The following SNRPF variants were observed in gnomAD, a reference collection of about 807,000 sequenced individuals.
SNRPF encodes the protein small nuclear ribonucleoprotein F.
A neutral mutation model predicts 13.4 loss-of-function variants in SNRPF; 1 was observed. The ratio of observed to expected loss-of-function variants is 0.07; its 90% confidence interval spans 0.03 to 0.35. The LOEUF is 0.35. Ranked by LOEUF, SNRPF falls within the 10% of genes least tolerant of loss-of-function variation. SNRPF has a pLI of 0.99. For synonymous variants in SNRPF, 27 were observed against 32.1 expected (o/e 0.84, Z 0.54); for missense variants, 53 against 101.0 (o/e 0.52, Z 2.04).
At chr12:95,859,101 G>C (rs2079480344) in intron 1 of SNRPF, 25 bp downstream of exon 1, 1 of 1,599,636 alleles carries the variant, frequency 6.3e-7, no homozygotes, top group Admixed American at 1.7e-5. Context: ...AACGGCGGGA[G>C]AAGCGGGGAG....
In SNRPF at chr12:95,866,086, G is replaced by A. The variant is rs1052953; in HGVS notation, c.*15G>A. 2.4e-4 allele frequency: 324 copies of A among 1,322,792 alleles called. 1 individual carries two copies. Among genetic ancestry groups the A allele is most frequent in the Non-Finnish European group, 4.1e-5 (38 of 937,950 alleles). The allele number at this position is 1,322,792 out of a possible 1,614,324, so 81.9% of individuals were successfully genotyped here. A position where few individuals can be genotyped will look rare whatever the true frequency, so the allele number is the denominator to read the frequency against. On this transcript the variant is annotated 3_prime_UTR_variant, in exon 4 of 4. Coordinates refer to ENST00000266735, the MANE Select transcript of SNRPF (RefSeq NM_003095.5). Reference sequence around the variant, plus strand: ...TGAGAGAATAGCATCTTTTGTGGGGGATTTTTTTTATATATATTTCTAGAC... The same window carrying A: ...TGAGAGAATAGCATCTTTTGTGGGGAATTTTTTTTATATATATTTCTAGAC...
At position 95,859,461 on chromosome 12, in the gene SNRPF, CATT is replaced by C. The variant is rs545200195; in HGVS notation, c.3+387_3+389del. On this transcript the variant is annotated intron_variant, in intron 1 of 3. Transcript: ENST00000266735. ...AACTCACTTGGGTGGGGAAGACAGA[CATT>C]AGTCAAAAAATAACAAGTATGTAAT... Among the ~76,000 whole-genome samples, 12 of 152,302 alleles carry C rather than the reference CATT, an allele frequency of 7.9e-5. 1 individual carries two copies. In the South Asian group the frequency reaches 2.5e-3, roughly 32 times the overall value.
In SNRPF at chr12:95,865,701, G is replaced by T. The variant is rs2079517981; in HGVS notation, c.195-304G>T. Among the ~76,000 whole-genome samples the T allele has an allele frequency of 2.0e-5, 3 of 152,062 alleles. No homozygotes were observed. In the South Asian group the frequency reaches 6.2e-4, roughly 32 times the overall value. On this transcript the variant is annotated intron_variant, in intron 3 of 3. Transcript: ENST00000266735. ...GAACTTAGTTTTGAATTTTAGTTGG[G>T]TCTGGCTGTTTTGTTATATTGATTT...
intron 2 of SNRPF, among the ~76,000 whole-genome samples, chr12:95,862,840 A>G (rs2121393116): frequency 6.6e-6 from 1 of 152,264 alleles, no homozygotes; most frequent in African/African-American, 2.4e-5. Context: ...GGTGTTTATA[A>G]AATAGTTATT....
chr12:95,860,703 G>A (rs573015078), intron 1 of SNRPF, among the ~76,000 whole-genome samples: 1 of 152,082 alleles, frequency 6.6e-6, no homozygotes, highest in African/African-American at 2.4e-5. Flanking sequence ...GACTACAGGT[G>A]TGCACCACCA....
At chr12:95,859,166 C>T in intron 1 of SNRPF, 90 bp downstream of exon 1, 1 of 1,190,312 alleles carries the variant, frequency 8.4e-7, no homozygotes, top group Non-Finnish European at 1.2e-6. Context: ...TCGCGCGTTT[C>T]CCATTCATCC....
chr12:95,859,521 C>T (rs752670128), intron 1 of SNRPF, among the ~76,000 whole-genome samples: 1 of 152,138 alleles, frequency 6.6e-6, no homozygotes, highest in Non-Finnish European at 1.5e-5. Flanking sequence ...ACAATGCAGA[C>T]AGGAGGCTGT....
intron 1 of SNRPF, 120 bp downstream of exon 1, chr12:95,859,196 C>T: frequency 3.6e-6 from 3 of 843,184 alleles, no homozygotes; most frequent in South Asian, 2.9e-5. Flanking sequence ...GCCGCGCACC[C>T]TGTCGCCAGC....
chr12:95,861,080 A>G, intron 1 of SNRPF, 88 bp from the exon 2 acceptor site: 6 of 1,275,728 alleles, frequency 4.7e-6, no homozygotes, highest in Non-Finnish European at 6.5e-6. Flanking sequence ...CTTCATTTGC[A>G]TACCACAAAA....
chr12:95,859,103 A>C, intron 1 of SNRPF, 27 bp downstream of exon 1: 1 of 1,600,686 alleles, frequency 6.2e-7, no homozygotes, highest in South Asian at 1.1e-5. Flanking sequence ...CGGCGGGAGA[A>C]GCGGGGAGAA....
chr12:95,861,404 A>G lies in SNRPF; in HGVS notation c.129+111A>G, dbSNP rs574825433. On this transcript the variant is annotated intron_variant, in intron 2 of 3. Transcript: ENST00000266735. ...TACATACAATTAAATTGACAAATAT[A>G]CGGCAAAATTCAAAAATAAAGTCAA... 263 of 1,051,152 alleles carry G rather than the reference A, an allele frequency of 2.5e-4. 2 individuals carry two copies. Among genetic ancestry groups the G allele is most frequent in the South Asian group, 1.4e-3 (100 of 70,576 alleles). The allele number at this position is 1,051,152 out of a possible 1,614,324, so 65.1% of individuals were successfully genotyped here.
At chr12:95,862,643 G>A (rs1213140042) in intron 2 of SNRPF, among the ~76,000 whole-genome samples, 3 of 152,154 alleles carry the variant, frequency 2.0e-5, no homozygotes, top group Admixed American at 1.3e-4. Flanking sequence ...CCTGAGCCTG[G>A]GGAGGTTGAA....
At chr12:95,860,633 C>T (rs947747738) in intron 1 of SNRPF, among the ~76,000 whole-genome samples, 1 of 152,144 alleles carries the variant, frequency 6.6e-6, no homozygotes. Flanking sequence ...TCATAGCTCA[C>T]TGCAGCCTCG....
intron 2 of SNRPF, among the ~76,000 whole-genome samples, chr12:95,863,350 T>C (rs2079505217): frequency 6.6e-6 from 1 of 152,200 alleles, no homozygotes; most frequent in Admixed American, 6.5e-5. Flanking sequence ...AACCACTGAA[T>C]TGTACACTTT....
intron 2 of SNRPF, among the ~76,000 whole-genome samples, chr12:95,863,414 C>T (rs1011306252): frequency 6.6e-6 from 1 of 152,132 alleles, no homozygotes; most frequent in Non-Finnish European, 1.5e-5. Context: ...AAAAGAATTA[C>T]CACTTAATAT....
At chr12:95,864,652 C>T (rs930527963) in intron 2 of SNRPF, among the ~76,000 whole-genome samples, 1 of 152,210 alleles carries the variant, frequency 6.6e-6, no homozygotes, top group Non-Finnish European at 1.5e-5. Flanking sequence ...TGCCTGTAAT[C>T]CCAGCACTTT....
At chr12:95,859,167 C>A (rs1446013118) in intron 1 of SNRPF, 91 bp downstream of exon 1, 2 of 1,192,098 alleles carry the variant, frequency 1.7e-6, no homozygotes, top group African/African-American at 3.0e-5. Flanking sequence ...CGCGCGTTTC[C>A]CATTCATCCG....
chr12:95,861,185 C>T lies in SNRPF; in HGVS notation c.21C>T (p.Pro7=), dbSNP rs370835675. 62 of 1,611,700 alleles carry T rather than the reference C, an allele frequency of 3.8e-5. No individual in the cohort carries two copies. The African/African-American group carries it at 5.9e-4, about 15-fold the overall frequency. MSLPLN[P]KPFLNGLTGK... is the part of the protein sequence containing the mutation. ...TTGTGCAGAGTTTACCCCTCAATCC[C>T]AAACCTTTCCTCAATGGACTAACAG... The change falls in exon 2 of 4, where the codon CCC becomes CCT. Residue 7 remains proline, a synonymous_variant. Transcript: ENST00000266735.
chr12:95,861,985 TAAAC>T (rs1040557196), intron 2 of SNRPF: 1 of 152,248 alleles, frequency 6.6e-6, no homozygotes. Flanking sequence ...AATTTTCCAT[TAAAC>T]AATAATTTTA....
Sources: gnomAD v4.1 joint callset for allele counts (sites outside exome capture counted in the v4.1 genomes callset) on GRCh38, gnomAD v4.1.1 for gene constraint, MANE v1.5 for transcripts, NCBI Gene and HGNC (gene_info 2026-07-23, HGNC 2026-07-21) for gene names.